PLSCR5: variants seen among roughly 807,000 people sequenced by gnomAD.
The protein encoded by PLSCR5 is phospholipid scramblase family member 5.
Under a neutral mutation model 33.6 loss-of-function variants are expected in PLSCR5, and 44 were observed. That is an observed-to-expected ratio of 1.31 (90% CI 1.03 to 1.69). The LOEUF (loss-of-function observed/expected upper bound fraction) is 1.69. Ranked by LOEUF, PLSCR5 falls within the 40% of genes most tolerant of loss-of-function variation. The pLI, the probability that PLSCR5 is intolerant of heterozygous loss-of-function variation, is 0.00. For synonymous variants in PLSCR5, 148 were observed against 112.3 expected, an observed-to-expected ratio of 1.32 and a Z score of -2.01; for missense variants, 375 against 318.7, an observed-to-expected ratio of 1.18 and a Z score of -1.34.
chr3:146,590,987 GTTTTTTTTTGTT>G (rs1212158041), intron 5 of PLSCR5, among the ~76,000 whole-genome samples: 3 of 88,094 alleles, frequency 3.4e-5, no homozygotes, highest in South Asian at 3.2e-4. Context: ...CGAGAATAAG[GTTTTTTTTTGTT>G]TTTTTTTTTT....
At chr3:146,580,053 C>T (rs2044623318) in intron 7 of PLSCR5, among the ~76,000 whole-genome samples, 1 of 152,210 alleles carries the variant, frequency 6.6e-6, no homozygotes, top group Non-Finnish European at 1.5e-5. Flanking sequence ...TTGTTAGCTA[C>T]TCTCTAGGGG....
chr3:146,596,409 T>C (rs1344884633), intron 2 of PLSCR5, among the ~76,000 whole-genome samples: 2 of 152,182 alleles, frequency 1.3e-5, no homozygotes, highest in Non-Finnish European at 2.9e-5. Flanking sequence ...CATGCTGGTC[T>C]CAAATTCCTG....
intron 5 of PLSCR5, 78 bp downstream of exon 5, chr3:146,591,642 G>T: frequency 7.2e-7 from 1 of 1,383,632 alleles, no homozygotes; most frequent in Non-Finnish European, 9.9e-7. Context: ...AAATTAATTT[G>T]AACATAAAAA....
At chr3:146,602,350 G>A (rs140873487) in intron 1 of PLSCR5, among the ~76,000 whole-genome samples, 214 of 152,218 alleles carry the variant, frequency 1.4e-3, no homozygotes, top group African/African-American at 4.5e-3. Flanking sequence ...TTTCTTTAGC[G>A]TTAGTGCAAA....
At chr3:146,597,311 A>G (rs1025241561) in intron 2 of PLSCR5, among the ~76,000 whole-genome samples, 1 of 152,164 alleles carries the variant, frequency 6.6e-6, no homozygotes, top group Admixed American at 6.6e-5. Context: ...TCAGAGAGAT[A>G]AATATCATTA....
At chr3:146,580,558 G>A (rs1202456322) in intron 7 of PLSCR5, among the ~76,000 whole-genome samples, 1 of 141,898 alleles carries the variant, frequency 7.0e-6, no homozygotes, top group Admixed American at 7.6e-5. Context: ...TCGGCCTCCC[G>A]GGTTCAAGCA....
intron 7 of PLSCR5, among the ~76,000 whole-genome samples, chr3:146,577,055 G>A (rs2044603211): frequency 1.3e-5 from 2 of 152,026 alleles, no homozygotes; most frequent in Non-Finnish European, 2.9e-5. Context: ...AATTGGTACA[G>A]AATGAGGTCT....
intron 3 of PLSCR5, 51 bp from the exon 4 acceptor site, chr3:146,594,191 T>G (rs2044739802): frequency 1.5e-6 from 2 of 1,312,224 alleles, no homozygotes; most frequent in Admixed American, 3.7e-5. Flanking sequence ...TTAGTATTGA[T>G]AACTTTAAAT....
In PLSCR5 at chr3:146,593,905, G is replaced by C. The variant is rs2044735435; in HGVS notation, c.453+15C>G. On this transcript the variant is annotated intron_variant, in intron 4 of 7. Coordinates refer to ENST00000443512, the MANE Select transcript of PLSCR5 (RefSeq NM_001085420.2). ...TCTTAAAAATCAAAAAGGACAACCA[G>C]AGCCAGTAACTAACCTCTTGTAGGT... is the stretch of plus-strand genomic sequence containing the variant. 1 of 1,604,688 alleles carries C rather than the reference G, an allele frequency of 6.2e-7. No individual in the cohort carries two copies. The highest frequency in any genetic ancestry group is 8.5e-7 in the Non-Finnish European group (1 of 1,171,998).
At chr3:146,580,631 T>A (rs995665396) in intron 7 of PLSCR5, among the ~76,000 whole-genome samples, 2 of 151,922 alleles carry the variant, frequency 1.3e-5, no homozygotes, top group Non-Finnish European at 2.9e-5. Flanking sequence ...GCCCAGTTAA[T>A]TTTTTGTATT....
intron 6 of PLSCR5, among the ~76,000 whole-genome samples, chr3:146,587,687 G>T (rs1431679178): frequency 1.3e-5 from 2 of 151,972 alleles, no homozygotes; most frequent in Non-Finnish European, 2.9e-5. Flanking sequence ...GACTAAGCTG[G>T]TTAGATTTGC....
intron 1 of PLSCR5, among the ~76,000 whole-genome samples, chr3:146,601,174 T>C (rs1223710616): frequency 6.6e-6 from 1 of 151,854 alleles, no homozygotes; most frequent in African/African-American, 2.4e-5. Context: ...ACCATTTTAA[T>C]CATCTTTTAT....
intron 2 of PLSCR5, among the ~76,000 whole-genome samples, chr3:146,597,358 G>A (rs1303837136): frequency 6.6e-6 from 1 of 152,076 alleles, no homozygotes; most frequent in East Asian, 1.9e-4. Context: ...CAGAGATTAA[G>A]TAATTTGCCC....
chr3:146,591,006 T>TTG (rs1032319829), intron 5 of PLSCR5, among the ~76,000 whole-genome samples: 2 of 150,130 alleles, frequency 1.3e-5, no homozygotes, highest in African/African-American at 2.4e-5. Context: ...TGTTTTTTTT[T>TTG]TTTGTTTTTT....
chr3:146,593,310 AAAGT>A (rs1233927811), intron 4 of PLSCR5, among the ~76,000 whole-genome samples: 7 of 152,226 alleles, frequency 4.6e-5, no homozygotes, highest in African/African-American at 1.7e-4. Flanking sequence ...CAAAGCCAGT[AAAGT>A]AAGTAAAAGT....
At chr3:146,599,570 G>T (rs2044792795) in intron 2 of PLSCR5, among the ~76,000 whole-genome samples, 1 of 151,366 alleles carries the variant, frequency 6.6e-6, no homozygotes, top group Non-Finnish European at 1.5e-5. Context: ...GGTAAGAGGG[G>T]CTAGGTTTCG....
chr3:146,582,911 G>A (rs915373377), downstream of PLSCR5, among the ~76,000 whole-genome samples: 11 of 152,010 alleles, frequency 7.2e-5, no homozygotes, highest in South Asian at 4.2e-4. Flanking sequence ...TCAAATAACC[G>A]AATGGTCCTG....
At chr3:146,577,697 T>C (rs1388100280) in intron 7 of PLSCR5, among the ~76,000 whole-genome samples, 1 of 152,124 alleles carries the variant, frequency 6.6e-6, no homozygotes, top group African/African-American at 2.4e-5. Flanking sequence ...TTAACAAATA[T>C]AGTGTTTCTC....
chr3:146,602,652 C>T (rs1338534921), intron 1 of PLSCR5, among the ~76,000 whole-genome samples: 1 of 151,998 alleles, frequency 6.6e-6, no homozygotes, highest in Non-Finnish European at 1.5e-5. Flanking sequence ...TAATTTCTAA[C>T]AATAGCTAGT....
Sources: gnomAD v4.1 joint callset for allele counts (sites outside exome capture counted in the v4.1 genomes callset) on GRCh38, gnomAD v4.1.1 for gene constraint, MANE v1.5 for transcripts, NCBI Gene and HGNC (gene_info 2026-07-23, HGNC 2026-07-21) for gene names.